The following SYNDIG1 variants were observed in gnomAD, a reference collection of about 807,000 sequenced individuals.
The protein encoded by SYNDIG1 is synapse differentiation inducing 1.
SYNDIG1 carries 9 observed loss-of-function variants against 19.4 expected under a neutral mutation model. The ratio of observed to expected loss-of-function variants is 0.46; its 90% CI spans 0.28 to 0.81. The LOEUF (loss-of-function observed/expected upper bound fraction) is 0.81, where lower values mean the gene tolerates loss of function less well. Ranked by LOEUF, SYNDIG1 falls within the 30% of genes least tolerant of loss-of-function variation. The pLI is 0.12. For missense variants in SYNDIG1, 311 were observed against 343.3 expected (o/e 0.91, Z 0.74); for synonymous variants, 141 against 145.9 (o/e 0.97, Z 0.24).
intron 1 of SYNDIG1, among the ~76,000 whole-genome samples, chr20:24,510,115 T>A (rs779872935): frequency 6.6e-6 from 1 of 152,206 alleles, no homozygotes. Context: ...GCACCATGCT[T>A]CCTGTACAGG....
chr20:24,644,798 G>A (rs2059408589), intron 3 of SYNDIG1, among the ~76,000 whole-genome samples: 1 of 152,186 alleles, frequency 6.6e-6, no homozygotes, highest in African/African-American at 2.4e-5. Context: ...GCACCCAGTG[G>A]TGGTTGTCTT....
At chr20:24,545,836 A>G (rs1295349498) in intron 2 of SYNDIG1, among the ~76,000 whole-genome samples, 1 of 152,204 alleles carries the variant, frequency 6.6e-6, no homozygotes, top group Non-Finnish European at 1.5e-5. Context: ...TTTAGTCATA[A>G]TAACGGTGCC....
intron 1 of SYNDIG1, among the ~76,000 whole-genome samples, chr20:24,533,699 C>G (rs961933229): frequency 6.6e-6 from 1 of 152,158 alleles, no homozygotes; most frequent in Non-Finnish European, 1.5e-5. Flanking sequence ...GTGCTGGGTG[C>G]TGATCCATCA....
intron 1 of SYNDIG1, among the ~76,000 whole-genome samples, chr20:24,516,703 CTT>C (rs2056873647): frequency 6.6e-6 from 1 of 152,206 alleles, no homozygotes; most frequent in South Asian, 2.1e-4. Flanking sequence ...AATAGGAACA[CTT>C]TTACACTGTT....
chr20:24,477,179 G>T (rs1025148272), intron 1 of SYNDIG1, among the ~76,000 whole-genome samples: 2 of 152,176 alleles, frequency 1.3e-5, no homozygotes, highest in Middle Eastern at 3.2e-3. Context: ...AAATGAGTTT[G>T]CATCCCTAAT....
At chr20:24,521,047 T>C (rs573529367) in intron 1 of SYNDIG1, among the ~76,000 whole-genome samples, 3 of 152,332 alleles carry the variant, frequency 2.0e-5, no homozygotes, top group African/African-American at 7.2e-5. Context: ...AGGTACCTCA[T>C]ATAAGTGGAA....
intron 1 of SYNDIG1, among the ~76,000 whole-genome samples, chr20:24,479,603 T>C (rs1214844415): frequency 1.3e-5 from 2 of 152,142 alleles, no homozygotes; most frequent in Non-Finnish European, 2.9e-5. Flanking sequence ...TTCTTCCTCT[T>C]CCTCATCACT....
chr20:24,595,185 T>C (rs1410426387), intron 3 of SYNDIG1, among the ~76,000 whole-genome samples: 1 of 152,190 alleles, frequency 6.6e-6, no homozygotes, highest in Non-Finnish European at 1.5e-5. Context: ...AGTGTGCTCC[T>C]TCAATGCCTA....
intron 3 of SYNDIG1, among the ~76,000 whole-genome samples, chr20:24,611,722 G>C (rs75582951): frequency 0.19 from 29,422 of 152,108 alleles, 3,767 homozygotes; most frequent in Admixed American, 0.35. Flanking sequence ...TGGGCCAGGA[G>C]CCTCTCCCAG....
chr20:24,538,403 G>T (rs1023558786), intron 1 of SYNDIG1, among the ~76,000 whole-genome samples: 2 of 152,120 alleles, frequency 1.3e-5, no homozygotes, highest in Non-Finnish European at 2.9e-5. Flanking sequence ...ATGTCCTCAA[G>T]GTCCATCCAT....
intron 2 of SYNDIG1, among the ~76,000 whole-genome samples, chr20:24,582,291 C>T (rs1446449794): frequency 4.8e-5 from 5 of 104,720 alleles, no homozygotes; most frequent in Non-Finnish European, 3.8e-5. Context: ...CCCCCCTTGA[C>T]GTCCTCCCCA....
At chr20:24,488,535 T>C (rs1030930204) in intron 1 of SYNDIG1, among the ~76,000 whole-genome samples, 3 of 152,222 alleles carry the variant, frequency 2.0e-5, no homozygotes, top group East Asian at 1.9e-4. Context: ...CAAGCCCTTC[T>C]GCAGGCTCCA....
intron 3 of SYNDIG1, among the ~76,000 whole-genome samples, chr20:24,627,643 G>A (rs1423861907): frequency 6.6e-6 from 1 of 152,248 alleles, no homozygotes; most frequent in African/African-American, 2.4e-5. Flanking sequence ...CCCGGGACTG[G>A]AACTGACACT....
intron 2 of SYNDIG1, among the ~76,000 whole-genome samples, chr20:24,567,441 C>G (rs770380245): frequency 2.0e-5 from 3 of 152,186 alleles, no homozygotes; most frequent in Non-Finnish European, 4.4e-5. Flanking sequence ...GGGGAGCCCT[C>G]TGAAGGACAT....
intron 2 of SYNDIG1, among the ~76,000 whole-genome samples, chr20:24,543,793 C>G (rs6049771): frequency 0.75 from 113,700 of 152,116 alleles, 43,102 homozygotes; most frequent in African/African-American, 0.88. Flanking sequence ...GGGCGCTTCA[C>G]CGGTGATTCT....
At position 24,485,706 on chromosome 20, in the gene SYNDIG1, T is replaced by A. The variant is rs146324503; in HGVS notation, c.-79+15953T>A. The stretch of plus-strand genomic sequence containing the variant: ...GGTACTGCAACAAATGACAGAAGAC[T>A]GAATGTGGCTGAGTGTTACTCAGGA... On this transcript the variant is annotated intron_variant, in intron 1 of 3. Coordinates refer to ENST00000376862, the MANE Select transcript of SYNDIG1 (RefSeq NM_024893.3). Among the ~76,000 whole-genome samples the A allele has an allele frequency of 5.2e-3, 792 of 152,284 alleles. 6 individuals carry two copies. Among genetic ancestry groups the A allele is most frequent in the African/African-American group, 0.018 (746 of 41,548 alleles).
intron 1 of SYNDIG1, among the ~76,000 whole-genome samples, chr20:24,477,638 A>G (rs1353084147): frequency 6.6e-6 from 1 of 152,156 alleles, no homozygotes; most frequent in Non-Finnish European, 1.5e-5. Context: ...AGTGATTGCA[A>G]TGCCCTGGAT....
At chr20:24,572,435 G>A (rs1031728092) in intron 2 of SYNDIG1, among the ~76,000 whole-genome samples, 2 of 152,234 alleles carry the variant, frequency 1.3e-5, no homozygotes, top group African/African-American at 4.8e-5. Flanking sequence ...TCTTCTTGTT[G>A]CAGAGATGAG....
chr20:24,583,807 C>A (rs558848398), intron 2 of SYNDIG1, among the ~76,000 whole-genome samples: 32 of 152,262 alleles, frequency 2.1e-4, no homozygotes, highest in Middle Eastern at 3.4e-3. Context: ...CCCATGTTCT[C>A]ACTTGTAAGT....
Sources: allele counts gnomAD v4.1 joint callset (sites outside exome capture counted in the v4.1 genomes callset), GRCh38; gene constraint gnomAD v4.1.1; transcripts MANE v1.5; gene names NCBI Gene and HGNC (gene_info 2026-07-23, HGNC 2026-07-21).